The following PPP1R16B variants were observed in gnomAD, a reference collection of about 807,000 sequenced individuals.
PPP1R16B encodes the protein protein phosphatase 1 regulatory inhibitor subunit 16B.
Under a neutral mutation model 61.7 loss-of-function variants are expected in PPP1R16B, and 14 were observed. That is an observed-to-expected ratio of 0.23 (90% CI 0.15 to 0.35). The LOEUF is 0.35. Among genes scored for constraint, PPP1R16B ranks in the 10% least tolerant of loss-of-function variants. The pLI is 1.00. For missense variants in PPP1R16B, 547 were observed against 752.5 expected (o/e 0.73, Z 3.19); for synonymous variants, 266 against 305.3 (o/e 0.87, Z 1.34).
intron 5 of PPP1R16B, 117 bp downstream of exon 5, chr20:38,900,801 C>A: frequency 1.5e-6 from 1 of 678,982 alleles, no homozygotes; most frequent in South Asian, 2.5e-5. Flanking sequence ...GCGCTGTGCT[C>A]AGTGAATAGG....
chr20:38,809,816 C>CA (rs1191847821), intron 1 of PPP1R16B, among the ~76,000 whole-genome samples: 1 of 151,692 alleles, frequency 6.6e-6, no homozygotes, highest in Non-Finnish European at 1.5e-5. Context: ...CCCGTCTCTA[C>CA]AAAAAATACA....
intron 3 of PPP1R16B, 100 bp downstream of exon 3, chr20:38,889,765 G>C: frequency 8.0e-7 from 1 of 1,243,250 alleles, no homozygotes; most frequent in Non-Finnish European, 1.2e-6. Context: ...CAGGGAGGAG[G>C]GAATGAGGGA....
chr20:38,848,371 C>T (rs1363033047), intron 2 of PPP1R16B, among the ~76,000 whole-genome samples: 1 of 152,160 alleles, frequency 6.6e-6, no homozygotes, highest in African/African-American at 2.4e-5. Flanking sequence ...TCCTTCCCTA[C>T]AAGTTTGTGA....
At position 38,907,706 on chromosome 20, in the gene PPP1R16B, T is replaced by G; in HGVS notation, c.899-100T>G. ...TGCATGCCCTGAAAGATGCTTGGAGTTTTCAGTGGGTTGGGGTGGCAGCTC... is the reference window on the plus strand; with the variant it reads ...TGCATGCCCTGAAAGATGCTTGGAGGTTTCAGTGGGTTGGGGTGGCAGCTC... On this transcript the variant is annotated intron_variant, in intron 8 of 10. Coordinates refer to ENST00000299824, the MANE Select transcript of PPP1R16B (RefSeq NM_015568.4). The surrounding 1 kb of genome is among the most constrained non-coding windows in gnomAD (Gnocchi z 4.5). 6.9e-7 allele frequency: 1 copy of G among 1,455,026 alleles called. No individual in the cohort carries two copies. Among genetic ancestry groups the G allele is most frequent in the Non-Finnish European group, 9.4e-7 (1 of 1,065,384 alleles). 90.1% of individuals were successfully genotyped at this position (1,455,026 alleles called of 1,614,324 possible).
At chr20:38,824,160 A>C (rs906219959) in intron 1 of PPP1R16B, among the ~76,000 whole-genome samples, 2 of 152,212 alleles carry the variant, frequency 1.3e-5, no homozygotes, top group African/African-American at 4.8e-5. Context: ...GTTACATGCA[A>C]AGAACTTGGC....
intron 10 of PPP1R16B, among the ~76,000 whole-genome samples, chr20:38,909,373 T>G (rs1040582418): frequency 1.3e-5 from 2 of 152,194 alleles, no homozygotes; most frequent in African/African-American, 4.8e-5. Flanking sequence ...TAATCTTAAT[T>G]TAATTTATTA....
chr20:38,872,081 C>T (rs919245122), intron 2 of PPP1R16B, among the ~76,000 whole-genome samples: 3 of 152,188 alleles, frequency 2.0e-5, no homozygotes, highest in South Asian at 2.1e-4. Context: ...CCCTGGACAC[C>T]GTGGAGGGTG....
chr20:38,860,013 A>G (rs1442736010), intron 2 of PPP1R16B, among the ~76,000 whole-genome samples: 2 of 152,110 alleles, frequency 1.3e-5, no homozygotes, highest in African/African-American at 4.8e-5. Context: ...CACCCTTGTC[A>G]CCCAGGCTGG....
In PPP1R16B at chr20:38,912,517, A is replaced by C. The variant is rs561390569; in HGVS notation, c.1194+4324A>C. ...CTACCCCCCACCAAAAAAAAAAAAAAAAAAAACAATTAGGTGGGTGTGATG... is the reference window on the plus strand; with the variant it reads ...CTACCCCCCACCAAAAAAAAAAAAACAAAAAACAATTAGGTGGGTGTGATG... On this transcript the variant is annotated intron_variant, in intron 10 of 10. Coordinates refer to ENST00000299824, the MANE Select transcript of PPP1R16B (RefSeq NM_015568.4). Among the ~76,000 whole-genome samples, 110 of 151,658 alleles carry C rather than the reference A, an allele frequency of 7.3e-4. 1 individual carries two copies. Among genetic ancestry groups the C allele is most frequent in the Admixed American group, 1.2e-3 (18 of 15,200 alleles).
chr20:38,906,767 C>G (rs944562048), intron 7 of PPP1R16B, among the ~76,000 whole-genome samples: 14 of 152,180 alleles, frequency 9.2e-5, no homozygotes, highest in Non-Finnish European at 1.9e-4. Context: ...TCTCCTTCTT[C>G]TTGGTGTGGC....
chr20:38,903,581 C>A (rs1427539442), intron 6 of PPP1R16B, among the ~76,000 whole-genome samples: 3 of 123,836 alleles, frequency 2.4e-5, no homozygotes, highest in Non-Finnish European at 5.1e-5. Flanking sequence ...GTCCGTCCGT[C>A]CATCCATCCA....
chr20:38,864,323 T>C (rs753471727), intron 2 of PPP1R16B, among the ~76,000 whole-genome samples: 17 of 152,200 alleles, frequency 1.1e-4, no homozygotes, highest in Non-Finnish European at 2.2e-4. Flanking sequence ...ACATTTTTAA[T>C]AGGAGAATTG....
At chr20:38,821,059 A>T (rs2084770626) in intron 1 of PPP1R16B, among the ~76,000 whole-genome samples, 1 of 150,490 alleles carries the variant, frequency 6.6e-6, no homozygotes, top group Admixed American at 6.6e-5. Flanking sequence ...AAAAAAAAAA[A>T]TTTGGCCATT....
chr20:38,818,321 G>A (rs1433539773), intron 1 of PPP1R16B, among the ~76,000 whole-genome samples: 5 of 152,216 alleles, frequency 3.3e-5, no homozygotes. Flanking sequence ...GAGTACCACT[G>A]GGGAGGAGTG....
chr20:38,853,660 AAAC>A (rs1408896241), intron 2 of PPP1R16B, among the ~76,000 whole-genome samples: 2 of 152,184 alleles, frequency 1.3e-5, no homozygotes, highest in Non-Finnish European at 2.9e-5. Context: ...TAGTGGATTG[AAAC>A]AACAACTTCT....
intron 2 of PPP1R16B, among the ~76,000 whole-genome samples, chr20:38,889,343 C>A (rs6071620): frequency 0.15 from 23,008 of 152,234 alleles, 1,984 homozygotes; most frequent in Middle Eastern, 0.22. Context: ...ACAAATATAA[C>A]TTGCTTAGCT....
chr20:38,912,426 G>A (rs1387794603), intron 10 of PPP1R16B, among the ~76,000 whole-genome samples: 1 of 151,444 alleles, frequency 6.6e-6, no homozygotes, highest in Non-Finnish European at 1.5e-5. Context: ...CCAAAACTGA[G>A]GGAGGCTGAG....
chr20:38,830,179 G>T (rs1239537759), intron 1 of PPP1R16B, among the ~76,000 whole-genome samples: 1 of 152,194 alleles, frequency 6.6e-6, no homozygotes, highest in Non-Finnish European at 1.5e-5. Context: ...CTTGGAGCAG[G>T]TCACCCACTC....
intron 4 of PPP1R16B, among the ~76,000 whole-genome samples, chr20:38,898,005 T>C (rs1300924430): frequency 6.6e-6 from 1 of 152,256 alleles, no homozygotes; most frequent in Non-Finnish European, 1.5e-5. Flanking sequence ...GAATCCCTTA[T>C]CAGATAGACG....
Sources: allele counts gnomAD v4.1 joint callset (sites outside exome capture counted in the v4.1 genomes callset), GRCh38; gene constraint gnomAD v4.1.1; non-coding constraint Gnocchi (gnomAD v3.1); transcripts MANE v1.5; gene names NCBI Gene and HGNC (gene_info 2026-07-23, HGNC 2026-07-21).